The following DSCC1 variants were observed in gnomAD, a reference collection of about 807,000 sequenced individuals.
DSCC1 encodes the protein DNA replication and sister chromatid cohesion 1.
DSCC1 carries 32 observed loss-of-function variants against 48.2 expected under a neutral mutation model. The ratio of observed to expected loss-of-function variants is 0.66; its 90% CI spans 0.50 to 0.89. The LOEUF (loss-of-function observed/expected upper bound fraction) is 0.89. Among genes scored for constraint, DSCC1 ranks in the 40% least tolerant of loss-of-function variants. DSCC1 has a pLI of 0.00. For synonymous variants in DSCC1, 150 were observed against 171.5 expected, an observed-to-expected ratio of 0.87 and a Z score of 0.98; for missense variants, 421 against 471.7, an observed-to-expected ratio of 0.89 and a Z score of 1.00.
chr8:119,848,174 A>G (rs2131306192), intron 3 of DSCC1, among the ~76,000 whole-genome samples: 1 of 152,054 alleles, frequency 6.6e-6, no homozygotes, highest in Admixed American at 6.5e-5. Flanking sequence ...TGTTGCCCAG[A>G]CTGGTCTCAA....
intron 2 of DSCC1, 69 bp from the exon 3 acceptor site, chr8:119,850,585 T>A: frequency 7.4e-7 from 1 of 1,349,146 alleles, no homozygotes; most frequent in Non-Finnish European, 9.9e-7. Context: ...AAATTACAAC[T>A]AATCAATCTG....
chr8:119,836,469 G>A (rs1017250739), intron 8 of DSCC1, among the ~76,000 whole-genome samples: 8 of 151,996 alleles, frequency 5.3e-5, no homozygotes, highest in African/African-American at 1.9e-4. Context: ...TCAGAGGCAG[G>A]TACAAGATGA....
intron 4 of DSCC1, 129 bp from the exon 5 acceptor site, chr8:119,843,876 A>G (rs749355799): frequency 1.1e-6 from 1 of 890,760 alleles, no homozygotes; most frequent in Non-Finnish European, 1.7e-6. Flanking sequence ...TCCTGGTTTC[A>G]AGCAATTCTG....
At chr8:119,837,138 A>G (rs1484905082) in intron 8 of DSCC1, among the ~76,000 whole-genome samples, 1 of 152,230 alleles carries the variant, frequency 6.6e-6, no homozygotes, top group Non-Finnish European at 1.5e-5. Flanking sequence ...CATAGGGTCC[A>G]GTAGGTTGCT....
chr8:119,846,113 C>CTTT lies in DSCC1; in HGVS notation c.577+874_577+876dup, dbSNP rs531156237. The stretch of plus-strand genomic sequence containing the variant: ...GATTAGACTATTTGATGTCTAAGGA[C>CTTT]TTTTTTTTTTTTTTTTTTTTGACGG... On this transcript the variant is annotated intron_variant, in intron 4 of 8. Coordinates refer to ENST00000313655, the MANE Select transcript of DSCC1 (RefSeq NM_024094.3). Among the ~76,000 whole-genome samples, 143 of 117,514 alleles carry CTTT rather than the reference C, an allele frequency of 1.2e-3. 1 individual carries two copies. Among genetic ancestry groups the CTTT allele is most frequent in the Non-Finnish European group, 2.1e-3 (122 of 59,418 alleles). The allele number at this position is 117,514 out of a possible 152,430, so 77.1% of individuals were successfully genotyped here. A position where few individuals can be genotyped will look rare whatever the true frequency, so the allele number is the denominator to read the frequency against.
intron 5 of DSCC1, among the ~76,000 whole-genome samples, chr8:119,843,280 G>A (rs56400112): frequency 1.1e-3 from 162 of 151,914 alleles, no homozygotes; most frequent in African/African-American, 3.8e-3. Context: ...AGTAGAGACG[G>A]GGTTTCACCG....
chr8:119,849,008 C>G (rs918061582), intron 3 of DSCC1, among the ~76,000 whole-genome samples: 15 of 151,894 alleles, frequency 9.9e-5, no homozygotes, highest in African/African-American at 3.4e-4. Flanking sequence ...CACGGTGAAA[C>G]CCCGTCTCTA....
intron 1 of DSCC1, 38 bp from the exon 2 acceptor site, chr8:119,853,253 C>A: frequency 6.4e-7 from 1 of 1,569,090 alleles, no homozygotes; most frequent in Non-Finnish European, 8.7e-7. Flanking sequence ...AGTTTATTGA[C>A]AATCCAGTAG....
chr8:119,834,806 A>C lies in DSCC1; in HGVS notation c.*87T>G, dbSNP rs1012311088. 20 of 893,886 alleles carry C rather than the reference A, an allele frequency of 2.2e-5. No homozygotes were observed. The African/African-American group carries it at 2.7e-4, about 12-fold the overall frequency. The allele number at this position is 893,886 out of a possible 1,614,324, so 55.4% of individuals were successfully genotyped here. On this transcript the variant is annotated 3_prime_UTR_variant, in exon 9 of 9. Coordinates refer to ENST00000313655, the MANE Select transcript of DSCC1 (RefSeq NM_024094.3). Reference sequence around the variant, plus strand: ...TGCCTTAGAAGACTAGGTTTCTAAAAGTCAGAAATAAAAGTACAAGTTATT... The same window carrying C: ...TGCCTTAGAAGACTAGGTTTCTAAACGTCAGAAATAAAAGTACAAGTTATT...
At chr8:119,848,980 C>G (rs13255739) in intron 3 of DSCC1, among the ~76,000 whole-genome samples, 1 of 151,824 alleles carries the variant, frequency 6.6e-6, no homozygotes, top group Non-Finnish European at 1.5e-5. Flanking sequence ...GTCAGGAGAT[C>G]GAGACCATCC....
rs1826657526 is a variant in DSCC1, at chr8:119,835,003, T to C, written c.1074-2A>G. 6.5e-7 allele frequency: 1 copy of C among 1,544,900 alleles called. No individual in the cohort carries two copies. Reference sequence around the variant, plus strand: ...GTTTGCTTCTCTCCACACAAATCTCTGTAGGAACAATAAAAAATATATAAC... The same window carrying C: ...GTTTGCTTCTCTCCACACAAATCTCCGTAGGAACAATAAAAAATATATAAC... On this transcript the variant is annotated splice_acceptor_variant, in intron 8 of 8. Transcript: ENST00000313655. LOFTEE classifies it high-confidence loss of function.
chr8:119,844,826 G>T (rs1346777094), intron 4 of DSCC1, among the ~76,000 whole-genome samples: 1 of 152,128 alleles, frequency 6.6e-6, no homozygotes, highest in East Asian at 1.9e-4. Flanking sequence ...TACAAATGAG[G>T]TGAAGGTCAC....
At chr8:119,835,926 A>G (rs913534002) in intron 8 of DSCC1, among the ~76,000 whole-genome samples, 2 of 152,244 alleles carry the variant, frequency 1.3e-5, no homozygotes, top group Admixed American at 1.3e-4. Flanking sequence ...CTTGAAGGAC[A>G]GGGAAAAAGA....
At chr8:119,849,000 C>T (rs1485603764) in intron 3 of DSCC1, among the ~76,000 whole-genome samples, 4 of 151,664 alleles carry the variant, frequency 2.6e-5, no homozygotes, top group Non-Finnish European at 2.9e-5. Context: ...CTGGCTAACA[C>T]GGTGAAACCC....
At chr8:119,844,806 T>C (rs1157518479) in intron 4 of DSCC1, among the ~76,000 whole-genome samples, 3 of 152,184 alleles carry the variant, frequency 2.0e-5, no homozygotes, top group African/African-American at 7.2e-5. Flanking sequence ...GTCATTTCAT[T>C]AGAATGTCAT....
intron 4 of DSCC1, among the ~76,000 whole-genome samples, chr8:119,845,148 C>T (rs954361712): frequency 2.6e-5 from 4 of 151,928 alleles, no homozygotes; most frequent in Non-Finnish European, 2.9e-5. Context: ...CGTAGTGGCA[C>T]GATCTCAGCT....
At chr8:119,853,636 G>A (rs1826973562) in intron 1 of DSCC1, among the ~76,000 whole-genome samples, 2 of 152,252 alleles carry the variant, frequency 1.3e-5, no homozygotes, top group Admixed American at 6.5e-5. Flanking sequence ...AAAGCAGAGT[G>A]GGATACACTG....
At chr8:119,851,295 CAAG>C (rs1175727944) in intron 2 of DSCC1, among the ~76,000 whole-genome samples, 1 of 152,156 alleles carries the variant, frequency 6.6e-6, no homozygotes, top group Non-Finnish European at 1.5e-5. Flanking sequence ...GCTTGATTGA[CAAG>C]ATGAGGCCTA....
chr8:119,835,083 T>C (rs1826659483), intron 8 of DSCC1, 82 bp from the exon 9 acceptor site: 5 of 909,690 alleles, frequency 5.5e-6, no homozygotes, highest in Admixed American at 2.9e-5. Context: ...ATTTTCTCTC[T>C]CTCCCCCTGA....
Sources: gnomAD v4.1 joint callset for allele counts (sites outside exome capture counted in the v4.1 genomes callset) on GRCh38, gnomAD v4.1.1 for gene constraint, MANE v1.5 for transcripts, NCBI Gene and HGNC (gene_info 2026-07-23, HGNC 2026-07-21) for gene names.